The following ESF1 variants were observed in gnomAD, a reference collection of about 807,000 sequenced individuals.
ESF1 encodes ESF1 nucleolar pre-rRNA processing protein.
Under a neutral mutation model 92.0 loss-of-function variants are expected in ESF1, and 58 were observed. The observed-to-expected ratio is 0.63, with a 90% CI of 0.51 to 0.78. The LOEUF is 0.78. Among genes scored for constraint, ESF1 ranks in the 30% least tolerant of loss-of-function variants. The probability of loss-of-function intolerance (pLI) is 0.00; values close to 1 mark genes in which losing one functional copy is unlikely to be tolerated. For synonymous variants in ESF1, 321 were observed against 313.7 expected (o/e 1.02, Z -0.24); for missense variants, 922 against 989.1 (o/e 0.93, Z 0.91).
At chr20:13,770,725 G>A (rs577969212) in intron 6 of ESF1, among the ~76,000 whole-genome samples, 109 of 152,244 alleles carry the variant, frequency 7.2e-4, no homozygotes, top group Non-Finnish European at 1.3e-3. Flanking sequence ...TATACATGAG[G>A]TGTCACTGAA....
At chr20:13,762,495 T>C (rs1239548271) in intron 8 of ESF1, among the ~76,000 whole-genome samples, 3 of 152,224 alleles carry the variant, frequency 2.0e-5, no homozygotes, top group Non-Finnish European at 4.4e-5. Context: ...AAGTCTCTGA[T>C]GGCTTACTTT....
intron 9 of ESF1, among the ~76,000 whole-genome samples, chr20:13,736,938 A>T (rs1196481725): frequency 1.3e-5 from 2 of 152,292 alleles, no homozygotes; most frequent in East Asian, 1.9e-4. Flanking sequence ...CACCATGATA[A>T]CTTAAAAAAT....
At chr20:13,747,093 C>T (rs6042333) in intron 9 of ESF1, among the ~76,000 whole-genome samples, 33,297 of 151,922 alleles carry the variant, frequency 0.22, 4,442 homozygotes, top group East Asian at 0.6. Context: ...AAGATTGTGG[C>T]TAATTTGTCA....
At chr20:13,753,294 T>C (rs538031995) in intron 9 of ESF1, among the ~76,000 whole-genome samples, 4 of 151,676 alleles carry the variant, frequency 2.6e-5, no homozygotes, top group Non-Finnish European at 4.4e-5. Flanking sequence ...AACTTAGCTC[T>C]CTTCTGAGGA....
At chr20:13,774,044 G>A (rs1046601274) in intron 4 of ESF1, among the ~76,000 whole-genome samples, 2 of 151,572 alleles carry the variant, frequency 1.3e-5, no homozygotes, top group South Asian at 2.1e-4. Context: ...GCAGTGAGCC[G>A]AGATTGCGCC....
chr20:13,770,082 T>G (rs1399497329), intron 6 of ESF1, 61 bp from the exon 7 acceptor site: 2 of 949,308 alleles, frequency 2.1e-6, no homozygotes, highest in African/African-American at 3.3e-5. Context: ...ACAGTTTAGA[T>G]TCTCATCTAA....
At chr20:13,739,171 G>A (rs1356125447) in intron 9 of ESF1, among the ~76,000 whole-genome samples, 1 of 152,148 alleles carries the variant, frequency 6.6e-6, no homozygotes, top group Non-Finnish European at 1.5e-5. Flanking sequence ...CCCAAAGTAT[G>A]TGATCAATGA....
At chr20:13,769,540 G>A (rs1308634823) in intron 7 of ESF1, among the ~76,000 whole-genome samples, 1 of 152,180 alleles carries the variant, frequency 6.6e-6, no homozygotes, top group Non-Finnish European at 1.5e-5. Context: ...TGTAATCCCA[G>A]CACTTTGGGA....
intron 6 of ESF1, among the ~76,000 whole-genome samples, 159 bp from the exon 7 acceptor site, chr20:13,770,180 G>A (rs184957846): frequency 6.6e-6 from 1 of 152,276 alleles, no homozygotes; most frequent in East Asian, 1.9e-4. Context: ...ATTTCTGAAT[G>A]AATTCATCTT....
At chr20:13,760,636 C>T (rs1448337159) in intron 8 of ESF1, among the ~76,000 whole-genome samples, 68 of 151,766 alleles carry the variant, frequency 4.5e-4, no homozygotes, top group African/African-American at 1.5e-3. Flanking sequence ...CGTCTCCGCC[C>T]GGCAGCCGCC....
rs771467442 is a variant in ESF1, at chr20:13,769,889, T to C, written c.1518+18A>G. 1.0e-5 allele frequency: 15 copies of C among 1,499,724 alleles called. No homozygotes were observed. In the South Asian group the frequency reaches 1.4e-4, roughly 14 times the overall value. The allele number at this position is 1,499,724 out of a possible 1,614,324, so 92.9% of individuals were successfully genotyped here. On this transcript the variant is annotated intron_variant, in intron 7 of 13. Transcript: ENST00000617257. ...AGCAATAGAGTCCAGCTACATATTTTTTAAAGTAAAGAAATACCGTTGATG... is the reference window on the plus strand; with the variant it reads ...AGCAATAGAGTCCAGCTACATATTTCTTAAAGTAAAGAAATACCGTTGATG...
chr20:13,736,643 A>G (rs1000740668), intron 9 of ESF1, among the ~76,000 whole-genome samples: 6 of 152,220 alleles, frequency 3.9e-5, no homozygotes, highest in Admixed American at 2.0e-4. Flanking sequence ...TGTTTGGAAC[A>G]TATTCTCTCT....
intron 8 of ESF1, among the ~76,000 whole-genome samples, chr20:13,760,807 T>C (rs75326125): frequency 0.9 from 136,223 of 151,062 alleles, 61,465 homozygotes; most frequent in East Asian, 1. Flanking sequence ...AGGTGAGGGG[T>C]GCCTCTGCCC....
rs527474922 is a variant in ESF1 at position 13,758,600 on chromosome 20, C to A, written c.1828+1092G>T. On this transcript the variant is annotated intron_variant, in intron 9 of 13. Transcript: ENST00000617257. ...TTATTCCCAATACAAAAGCACGCTACTTATAAAAATGGAATTGGTAACAGA... is the reference window on the plus strand; with the variant it reads ...TTATTCCCAATACAAAAGCACGCTAATTATAAAAATGGAATTGGTAACAGA... 6.6e-5 allele frequency among the ~76,000 whole-genome samples: 10 copies of A among 152,278 alleles called. No individual in the cohort carries two copies. The South Asian group carries it at 2.1e-3, about 32-fold the overall frequency.
At chr20:13,753,070 T>G (rs1978712010) in intron 9 of ESF1, among the ~76,000 whole-genome samples, 1 of 152,138 alleles carries the variant, frequency 6.6e-6, no homozygotes, top group African/African-American at 2.4e-5. Context: ...TCCCTACCAC[T>G]ATGAAAGCTT....
At chr20:13,744,242 A>G (rs1799228387) in intron 9 of ESF1, among the ~76,000 whole-genome samples, 1 of 152,266 alleles carries the variant, frequency 6.6e-6, no homozygotes, top group Admixed American at 6.5e-5. Flanking sequence ...TGTTCTTCAA[A>G]AGACACTATA....
At chr20:13,745,482 C>T (rs1049135372) in intron 9 of ESF1, among the ~76,000 whole-genome samples, 1 of 152,168 alleles carries the variant, frequency 6.6e-6, no homozygotes, top group East Asian at 1.9e-4. Flanking sequence ...GATGGAGTCT[C>T]GCTCTGTGGC....
At chr20:13,724,183 T>C (rs1026528836) in intron 11 of ESF1, among the ~76,000 whole-genome samples, 1 of 152,086 alleles carries the variant, frequency 6.6e-6, no homozygotes, top group Non-Finnish European at 1.5e-5. Context: ...TAGTCCCAGC[T>C]ACTTGGGAGG....
At chr20:13,749,575 A>T (rs907330125) in intron 9 of ESF1, among the ~76,000 whole-genome samples, 2 of 149,306 alleles carry the variant, frequency 1.3e-5, no homozygotes, top group African/African-American at 2.5e-5. Context: ...TTTATTTTTT[A>T]ATTTTTTTGA....
Sources: gnomAD v4.1 joint callset for allele counts (sites outside exome capture counted in the v4.1 genomes callset) on GRCh38, gnomAD v4.1.1 for gene constraint, MANE v1.5 for transcripts, NCBI Gene and HGNC (gene_info 2026-07-23, HGNC 2026-07-21) for gene names.